The following CSMD1 variants were observed in gnomAD, a reference collection of about 807,000 sequenced individuals.
CSMD1 encodes the protein CUB and Sushi multiple domains 1, also known as CUB and sushi domain-containing protein 1.
A neutral mutation model predicts 417.5 loss-of-function variants in CSMD1; 213 were observed. That is an observed-to-expected ratio of 0.51 (90% CI 0.46 to 0.57). The LOEUF is 0.57. CSMD1 is among the 20% of genes least tolerant of loss of function. The pLI, the probability that CSMD1 is intolerant of heterozygous loss-of-function variation, is 0.00. For synonymous variants in CSMD1, 2,862 were observed against 1,736.8 expected (o/e 1.65, Z -16.11); for missense variants, 6,923 against 4,529.7 (o/e 1.53, Z -15.17).
chr8:4,274,568 G>A (rs923069211), intron 3 of CSMD1, among the ~76,000 whole-genome samples: 2 of 152,024 alleles, frequency 1.3e-5, no homozygotes, highest in Non-Finnish European at 2.9e-5. Context: ...AAGGCCTTCT[G>A]TTCTTTAAAT....
chr8:4,387,243 A>C (rs1336233588), intron 3 of CSMD1, among the ~76,000 whole-genome samples: 1 of 152,194 alleles, frequency 6.6e-6, no homozygotes, highest in Non-Finnish European at 1.5e-5. Flanking sequence ...TTTATGCTTC[A>C]ATTATCATTT....
intron 8 of CSMD1, among the ~76,000 whole-genome samples, chr8:3,586,615 G>C (rs918278843): frequency 1.3e-5 from 2 of 152,090 alleles, no homozygotes; most frequent in Non-Finnish European, 2.9e-5. Flanking sequence ...AAAACAAGAG[G>C]AAGTTGGATG....
At chr8:3,259,604 A>G in intron 26 of CSMD1, among the ~76,000 whole-genome samples, 1 of 152,212 alleles carries the variant, frequency 6.6e-6, no homozygotes, top group East Asian at 1.9e-4. Flanking sequence ...GTCTTTTCTC[A>G]TTTGACATGA....
chr8:3,116,233 T>C (rs1334563658), intron 42 of CSMD1, among the ~76,000 whole-genome samples: 2 of 152,238 alleles, frequency 1.3e-5, no homozygotes, highest in Non-Finnish European at 2.9e-5. Flanking sequence ...TCTAATTGTT[T>C]TCAATATTTA....
intron 3 of CSMD1, among the ~76,000 whole-genome samples, chr8:4,244,729 G>C (rs571945087): frequency 6.6e-6 from 1 of 152,052 alleles, no homozygotes; most frequent in African/African-American, 2.4e-5. Context: ...TACCTCAATG[G>C]AATAATTTTT....
At chr8:3,388,769 A>G (rs560994312) in intron 17 of CSMD1, among the ~76,000 whole-genome samples, 1 of 152,322 alleles carries the variant, frequency 6.6e-6, no homozygotes, top group East Asian at 1.9e-4. Context: ...ATGGCAGGAA[A>G]GCCTCCTTCC....
chr8:4,253,682 C>G (rs1616348), intron 3 of CSMD1, among the ~76,000 whole-genome samples: 1 of 151,722 alleles, frequency 6.6e-6, no homozygotes, highest in Non-Finnish European at 1.5e-5. Flanking sequence ...TACATTGATT[C>G]TGCAATATAA....
At position 4,251,807 on chromosome 8, in the gene CSMD1, G is replaced by A. The variant is rs1302367178; in HGVS notation, c.415+168146C>T. Reference sequence around the variant, plus strand: ...GAGATGGAGGAGGAAAGATGGAGAAGGACAGATGGAGGAGGAGAGATGGAA... The same window carrying A: ...GAGATGGAGGAGGAAAGATGGAGAAAGACAGATGGAGGAGGAGAGATGGAA... On this transcript the variant is annotated intron_variant, in intron 3 of 69. Coordinates refer to ENST00000635120, the MANE Select transcript of CSMD1 (RefSeq NM_033225.6). Among the ~76,000 whole-genome samples the A allele has an allele frequency of 5.9e-5, 9 of 151,330 alleles. 1 individual carries two copies. The highest frequency in any genetic ancestry group is 2.1e-4 in the South Asian group (1 of 4,762).
At chr8:3,765,424 T>G (rs1277309292) in intron 5 of CSMD1, among the ~76,000 whole-genome samples, 1 of 152,210 alleles carries the variant, frequency 6.6e-6, no homozygotes, top group East Asian at 1.9e-4. Context: ...TAGGCTTCCC[T>G]GGAAGTTACT....
At chr8:4,559,761 G>C (rs1464751493) in intron 2 of CSMD1, among the ~76,000 whole-genome samples, 2 of 152,256 alleles carry the variant, frequency 1.3e-5, no homozygotes, top group East Asian at 3.8e-4. Flanking sequence ...TGAGTCAGTT[G>C]TTATCAGTGC....
chr8:4,110,647 T>TGC (rs1801802882), intron 3 of CSMD1, among the ~76,000 whole-genome samples: 1 of 152,148 alleles, frequency 6.6e-6, no homozygotes, highest in African/African-American at 2.4e-5. Context: ...GGTGTGTGTG[T>TGC]GCATGTGTGT....
intron 1 of CSMD1, among the ~76,000 whole-genome samples, chr8:4,675,703 G>C (rs746974644): frequency 6.6e-6 from 1 of 152,098 alleles, no homozygotes; most frequent in African/African-American, 2.4e-5. Flanking sequence ...GTTATATTTG[G>C]TATTTTTTTT....
chr8:3,422,379 AT>A (rs1813551128), intron 12 of CSMD1, among the ~76,000 whole-genome samples: 2 of 152,134 alleles, frequency 1.3e-5, no homozygotes, highest in South Asian at 4.1e-4. Context: ...AGAATCTTGG[AT>A]TTGGGGCCAC....
chr8:4,572,680 G>C lies in CSMD1; in HGVS notation c.302+64662C>G, dbSNP rs571365170. Among the ~76,000 whole-genome samples the C allele has an allele frequency of 9.9e-5, 15 of 152,282 alleles. No individual in the cohort carries two copies. The East Asian group carries it at 2.9e-3, about 29-fold the overall frequency. On this transcript the variant is annotated intron_variant, in intron 2 of 69. Coordinates refer to ENST00000635120, the MANE Select transcript of CSMD1 (RefSeq NM_033225.6). ...TGTTGGCCTGTCTTGCTAGAGTGAG[G>C]AAGATCTCCTGGATAATATCCTGAA...
intron 3 of CSMD1, among the ~76,000 whole-genome samples, chr8:4,339,701 G>A (rs1351185226): frequency 6.6e-6 from 1 of 152,108 alleles, no homozygotes; most frequent in Non-Finnish European, 1.5e-5. Flanking sequence ...GTTTGAGTGA[G>A]TGAGAAGAAA....
intron 1 of CSMD1, among the ~76,000 whole-genome samples, chr8:4,836,162 G>C (rs908023280): frequency 6.6e-5 from 10 of 152,130 alleles, no homozygotes; most frequent in African/African-American, 2.2e-4. Context: ...TTTAAAACTG[G>C]GGTTATTTAA....
At chr8:3,068,192 C>A (rs576234541) in intron 49 of CSMD1, among the ~76,000 whole-genome samples, 17 of 152,162 alleles carry the variant, frequency 1.1e-4, no homozygotes, top group African/African-American at 3.9e-4. Flanking sequence ...TGGTAATTTT[C>A]TTCTTGTCAT....
chr8:3,245,439 C>T (rs1269530191), intron 26 of CSMD1, among the ~76,000 whole-genome samples: 1 of 152,206 alleles, frequency 6.6e-6, no homozygotes, highest in Admixed American at 6.5e-5. Flanking sequence ...AGAAAACCTA[C>T]AACTGGAAGT....
At chr8:3,511,098 G>C (rs1032279986) in intron 10 of CSMD1, among the ~76,000 whole-genome samples, 2 of 151,792 alleles carry the variant, frequency 1.3e-5, no homozygotes, top group Non-Finnish European at 2.9e-5. Context: ...GATGAAGCTG[G>C]AAACCATCAC....
Sources: allele counts gnomAD v4.1 joint callset (sites outside exome capture counted in the v4.1 genomes callset), GRCh38; gene constraint gnomAD v4.1.1; transcripts MANE v1.5; gene names NCBI Gene and HGNC (gene_info 2026-07-23, HGNC 2026-07-21).